The following UCP2 variants were observed in gnomAD, a reference collection of about 807,000 sequenced individuals.
UCP2 encodes the protein uncoupling protein 2.
UCP2 carries 27 observed loss-of-function variants against 31.3 expected under a neutral mutation model. The ratio of observed to expected loss-of-function variants is 0.86; its 90% CI spans 0.64 to 1.19. The LOEUF (loss-of-function observed/expected upper bound fraction) is 1.19. UCP2 is among the 50% of genes most tolerant of loss of function. UCP2 has a pLI of 0.00. For missense variants in UCP2, 377 were observed against 413.5 expected (o/e 0.91, Z 0.76); for synonymous variants, 142 against 157.4 (o/e 0.90, Z 0.73).
chr11:73,979,086 T>G (rs1443946108), intron 2 of UCP2, among the ~76,000 whole-genome samples: 1 of 152,242 alleles, frequency 6.6e-6, no homozygotes, highest in African/African-American at 2.4e-5. Context: ...AGTGGTTCAC[T>G]GAGATGCAGG....
At chr11:73,977,100 A>C in intron 4 of UCP2, 83 bp from the exon 5 acceptor site, 2 of 1,415,196 alleles carry the variant, frequency 1.4e-6, no homozygotes, top group Non-Finnish European at 1.9e-6. Context: ...CCACCCTGTC[A>C]CTGTCATCTC....
intron 5 of UCP2, 39 bp from the exon 6 acceptor site, chr11:73,976,781 C>G: frequency 1.2e-6 from 2 of 1,614,112 alleles, no homozygotes; most frequent in Non-Finnish European, 1.7e-6. Flanking sequence ...ACCAGAGTAT[C>G]GGGGAGGAGG....
chr11:73,976,820 C>T lies in UCP2; in HGVS notation c.532+3G>A. 1 of 1,614,256 alleles carries T rather than the reference C, an allele frequency of 6.2e-7. No homozygotes were observed. The highest frequency in any genetic ancestry group is 1.1e-5 in the South Asian group (1 of 91,090). On this transcript the variant is annotated splice_donor_region_variant and intron_variant, in intron 5 of 7. Coordinates refer to ENST00000663595, the MANE Select transcript of UCP2 (RefSeq NM_003355.3). Reference sequence around the variant, plus strand: ...AGGGGAAGGGAAAACAACTGGTACACACCTTTCCAGAGGCCCCGGAACCCT... The same window carrying T: ...AGGGGAAGGGAAAACAACTGGTACATACCTTTCCAGAGGCCCCGGAACCCT...
rs769820751 is a variant in UCP2, at chr11:73,974,958, C to T, written c.*49G>A. 3 of 1,246,514 alleles carry T rather than the reference C, an allele frequency of 2.4e-6. No homozygotes were observed. Among genetic ancestry groups the T allele is most frequent in the African/African-American group, 1.8e-5 (1 of 54,306 alleles). 77.2% of individuals were successfully genotyped at this position (1,246,514 alleles called of 1,614,324 possible). A position where few individuals can be genotyped will look rare whatever the true frequency, so the allele number is the denominator to read the frequency against. On this transcript the variant is annotated 3_prime_UTR_variant, in exon 8 of 8. Transcript: ENST00000663595. The stretch of plus-strand genomic sequence containing the variant: ...AAGAAGGAAGAAAAGGAAAGCATGG[C>T]CCGGCTAGAGACAAAGCCAGAGGTG...
chr11:73,976,243 C>A (rs112641525), intron 6 of UCP2, among the ~76,000 whole-genome samples: 2,559 of 152,118 alleles, frequency 0.017, 66 homozygotes, highest in African/African-American at 0.058. Flanking sequence ...GCACACCTGT[C>A]ATCCCAGCTA....
At chr11:73,980,782 C>T (rs538325437) in intron 2 of UCP2, 1 of 152,364 alleles carries the variant, frequency 6.6e-6, no homozygotes, top group South Asian at 2.1e-4. Context: ...GGAAAGTTCT[C>T]ACAGGCTGAT....
chr11:73,979,398 T>C (rs557014362), intron 2 of UCP2, among the ~76,000 whole-genome samples: 1 of 152,064 alleles, frequency 6.6e-6, no homozygotes, highest in Non-Finnish European at 1.5e-5. Context: ...AATACAAAAA[T>C]GAGCTGGGTG....
At chr11:73,975,827 GC>G (rs1951334876) in intron 6 of UCP2, among the ~76,000 whole-genome samples, 156 bp from the exon 7 acceptor site, 1 of 152,212 alleles carries the variant, frequency 6.6e-6, no homozygotes, top group African/African-American at 2.4e-5. Flanking sequence ...TCTTTTGGAG[GC>G]CGAGGTGGGT....
Position 73,977,792 on chromosome 11 carries a change from G to A in UCP2, c.337+94C>T, listed in dbSNP as rs1044133580. The A allele has an allele frequency of 3.9e-6, 6 of 1,523,598 alleles. No individual in the cohort carries two copies. The African/African-American group carries it at 4.1e-5, about 10-fold the overall frequency. 94.4% of individuals were successfully genotyped at this position (1,523,598 alleles called of 1,614,324 possible). A position where few individuals can be genotyped will look rare whatever the true frequency, so the allele number is the denominator to read the frequency against. On this transcript the variant is annotated intron_variant, in intron 4 of 7. Coordinates refer to ENST00000663595, the MANE Select transcript of UCP2 (RefSeq NM_003355.3). ...TGTTCCCCTGATCTTCCTAGGGATC[G>A]TGGGGCCTAAAAAACTATATGGCTG...
chr11:73,976,322 CG>C (rs139788184), intron 6 of UCP2, among the ~76,000 whole-genome samples: 2,561 of 152,138 alleles, frequency 0.017, 66 homozygotes, highest in African/African-American at 0.058. Flanking sequence ...TGAGATTACA[CG>C]GGTAACAGAG....
chr11:73,979,020 C>G (rs528366352), intron 2 of UCP2, among the ~76,000 whole-genome samples: 43 of 152,214 alleles, frequency 2.8e-4, no homozygotes, highest in Non-Finnish European at 5.6e-4. Flanking sequence ...TCCTCCAGCT[C>G]TCACACAGCT....
chr11:73,977,026 G>A lies in UCP2; in HGVS notation c.338-9C>T, dbSNP rs201898077. 9 of 1,594,532 alleles carry A rather than the reference G, an allele frequency of 5.6e-6. No homozygotes were observed. The highest frequency in any genetic ancestry group is 1.7e-4 in the Middle Eastern group (1 of 5,954). ...GCTCCCAATGCTGGCATCTGTGGGC[G>A]AGCCATGGGGTCAGTGGCCAGCGGG... On this transcript the variant is annotated splice_polypyrimidine_tract_variant and intron_variant, in intron 4 of 7. Transcript: ENST00000663595.
intron 3 of UCP2, 30 bp downstream of exon 3, chr11:73,978,223 C>G: frequency 1.2e-6 from 2 of 1,614,132 alleles, no homozygotes; most frequent in Non-Finnish European, 1.7e-6. Context: ...GAGTAGACAC[C>G]ATCAAGACTC....
In UCP2 at chr11:73,975,509, G is replaced by A. The variant is rs1951327508; in HGVS notation, c.797C>T (p.Pro266Leu). Reference sequence around the variant, plus strand: ...GGCTCACCCTTTGTAGAAGGCTCGGGGCCCCTCCTTCTGGAGCATGGTAAG... The same window carrying A: ...GGCTCACCCTTTGTAGAAGGCTCGGAGCCCCTCCTTCTGGAGCATGGTAAG... ...CALTMLQKEG[P>L]RAFYKGFMPS... The change falls in exon 7 of 8, where the codon CCC (proline) becomes CTC (leucine). Residue 266 changes from proline to leucine, a missense_variant. By Grantham distance (98) the Pro-to-Leu change is moderately conservative (BLOSUM62 -3). Coordinates refer to ENST00000663595, the MANE Select transcript of UCP2 (RefSeq NM_003355.3). The A allele has an allele frequency of 5.0e-6, 8 of 1,611,354 alleles. No individual in the cohort carries two copies. The East Asian group carries it at 1.8e-4, about 36-fold the overall frequency.
intron 4 of UCP2, 137 bp from the exon 5 acceptor site, chr11:73,977,154 G>C (rs549280065): frequency 2.2e-5 from 19 of 879,772 alleles, no homozygotes; most frequent in South Asian, 2.2e-4. Context: ...CCTTCTACAA[G>C]CTCTTGCTGT....
intron 2 of UCP2, chr11:73,980,876 G>A (rs1046761245): frequency 6.6e-6 from 1 of 152,156 alleles, no homozygotes; most frequent in Non-Finnish European, 1.5e-5. Flanking sequence ...TCACATTCCT[G>A]ACCTTGAGCT....
chr11:73,977,085 C>CA, intron 4 of UCP2, 68 bp from the exon 5 acceptor site: 3 of 1,481,718 alleles, frequency 2.0e-6, no homozygotes, highest in South Asian at 1.3e-5. Context: ...CTCTCCTCAC[C>CA]AAAACCACCC....
chr11:73,975,072 C>G lies in UCP2; in HGVS notation c.865G>C (p.Val289Leu). ...RLGSWNVVMF[V>L]TYEQLKRALM... ...GCTCGTTTCAGCTGCTCATAGGTGA[C>G]GAACATCACCACGTTCCAGGAACCC... Residue 289 changes from valine to leucine, a missense_variant, in exon 8 of 8, where the codon GTC becomes CTC. Physicochemically the swap from Val to Leu is conservative, Grantham distance 32 (BLOSUM62 1). Transcript: ENST00000663595. The G allele has an allele frequency of 6.2e-7, 1 of 1,613,688 alleles. No homozygotes were observed. Among genetic ancestry groups the G allele is most frequent in the Non-Finnish European group, 8.5e-7 (1 of 1,179,870 alleles).
At position 73,975,113 on chromosome 11, in the gene UCP2, G is replaced by T; in HGVS notation, c.824C>A (p.Pro275His). 1 of 1,612,372 alleles carries T rather than the reference G, an allele frequency of 6.2e-7. No individual in the cohort carries two copies. Among genetic ancestry groups the T allele is most frequent in the Non-Finnish European group, 8.5e-7 (1 of 1,179,224 alleles). ...CCAGGAACCCAAGCGGAGAAAGGAG[G>T]GCATGAACCTAGAGGAGAAAAATCA... ...GPRAFYKGFM[P>H]SFLRLGSWNV... The change falls in exon 8 of 8, where the codon CCC (proline) becomes CAC (histidine). Residue 275 changes from proline to histidine, a missense_variant. By Grantham distance (77) the Pro-to-His change is moderately conservative (BLOSUM62 -2). Coordinates refer to ENST00000663595, the MANE Select transcript of UCP2 (RefSeq NM_003355.3).
Sources: gnomAD v4.1 joint callset for allele counts (sites outside exome capture counted in the v4.1 genomes callset) on GRCh38, gnomAD v4.1.1 for gene constraint, MANE v1.5 for transcripts, NCBI Gene and HGNC (gene_info 2026-07-23, HGNC 2026-07-21) for gene names.